The following OGDH variants were observed in gnomAD, a reference collection of about 807,000 sequenced individuals.
OGDH encodes oxoglutarate dehydrogenase.
A neutral mutation model predicts 116.6 loss-of-function variants in OGDH; 38 were observed. The ratio of observed to expected loss-of-function variants is 0.33; its 90% CI spans 0.25 to 0.43. The LOEUF is 0.43. Ranked by LOEUF, OGDH falls within the 20% of genes least tolerant of loss-of-function variation. OGDH has a pLI of 1.00. For synonymous variants in OGDH, 488 were observed against 533.3 expected, an observed-to-expected ratio of 0.92 and a Z score of 1.17; for missense variants, 825 against 1,357.2, an observed-to-expected ratio of 0.61 and a Z score of 6.16.
intron 5 of OGDH, among the ~76,000 whole-genome samples, chr7:44,672,062 C>T (rs1787485154): frequency 6.6e-6 from 1 of 151,926 alleles, no homozygotes; most frequent in South Asian, 2.1e-4. Context: ...GAGCAAGACT[C>T]CATCTCAAAA....
At chr7:44,673,189 G>A (rs1787545622) in intron 5 of OGDH, among the ~76,000 whole-genome samples, 1 of 152,126 alleles carries the variant, frequency 6.6e-6, no homozygotes, top group Admixed American at 6.6e-5. Context: ...AACATAGTGA[G>A]ACCTCATCTC....
intron 18 of OGDH, 64 bp downstream of exon 18, chr7:44,698,327 G>C: frequency 6.6e-7 from 1 of 1,526,666 alleles, no homozygotes; most frequent in Non-Finnish European, 9.1e-7. Flanking sequence ...ACCTGGGGAA[G>C]AGCAATCTAT....
chr7:44,610,792 A>G (rs371531282), intron 1 of OGDH, among the ~76,000 whole-genome samples: 10 of 151,476 alleles, frequency 6.6e-5, no homozygotes, highest in African/African-American at 2.4e-4. Flanking sequence ...TATTTTTAGT[A>G]GAGACGGGCT....
intron 2 of OGDH, among the ~76,000 whole-genome samples, chr7:44,638,614 TA>T (rs1785781585): frequency 6.6e-6 from 1 of 152,144 alleles, no homozygotes; most frequent in Non-Finnish European, 1.5e-5. Flanking sequence ...TAATTAGGAA[TA>T]AATTTGGCTG....
chr7:44,630,484 T>A (rs767115231), intron 2 of OGDH, among the ~76,000 whole-genome samples: 1 of 152,212 alleles, frequency 6.6e-6, no homozygotes, highest in Non-Finnish European at 1.5e-5. Flanking sequence ...GCAATGCCAG[T>A]TGGGTGGTTG....
Position 44,697,797 on chromosome 7 carries a change from C to T in OGDH, c.2358+15C>T, listed in dbSNP as rs751076868. On this transcript the variant is annotated intron_variant, in intron 17 of 22. Coordinates refer to ENST00000222673, the MANE Select transcript of OGDH (RefSeq NM_002541.4). This position sits in a 1 kb window ranked among gnomAD's most constrained non-coding sequence, Gnocchi z 6.0. ...TGGAGGGCATGGTGAGCCTCTGGCC[C>T]TTCCCTGCCAGACCTAGGACTTGGG... is the stretch of plus-strand genomic sequence containing the variant. The T allele has an allele frequency of 1.2e-6, 2 of 1,609,086 alleles. No individual in the cohort carries two copies. Among genetic ancestry groups the T allele is most frequent in the South Asian group, 1.1e-5 (1 of 90,510 alleles).
chr7:44,669,772 ATG>A (rs1202080835), intron 5 of OGDH, among the ~76,000 whole-genome samples: 1 of 149,076 alleles, frequency 6.7e-6, no homozygotes, highest in East Asian at 2.0e-4. Flanking sequence ...CTAAGGCTGT[ATG>A]CGCTCCTGGC....
chr7:44,677,282 A>G (rs933871840), intron 9 of OGDH, among the ~76,000 whole-genome samples: 21 of 152,152 alleles, frequency 1.4e-4, no homozygotes, highest in African/African-American at 5.1e-4. Flanking sequence ...AAAGAAGCAA[A>G]TAGCACATAC....
chr7:44,664,313 A>T (rs547693655), intron 4 of OGDH, among the ~76,000 whole-genome samples: 1 of 152,282 alleles, frequency 6.6e-6, no homozygotes, highest in East Asian at 1.9e-4. Context: ...AGAGAAGGAC[A>T]TTTTGGATTC....
At chr7:44,681,238 G>T (rs187851125) in intron 9 of OGDH, among the ~76,000 whole-genome samples, 1 of 152,222 alleles carries the variant, frequency 6.6e-6, no homozygotes, top group African/African-American at 2.4e-5. Flanking sequence ...AGCCTCCCAG[G>T]TGAGCAGAGT....
intron 20 of OGDH, among the ~76,000 whole-genome samples, chr7:44,702,289 C>T (rs1381390274): frequency 6.6e-6 from 1 of 152,370 alleles, no homozygotes; most frequent in South Asian, 2.1e-4. Flanking sequence ...CAGCTCACCA[C>T]TGGCTCAGAG....
intron 1 of OGDH, among the ~76,000 whole-genome samples, chr7:44,619,785 G>T (rs576458442): frequency 3.2e-4 from 48 of 152,038 alleles, no homozygotes; most frequent in Non-Finnish European, 5.1e-4. Context: ...ATATCTAGGA[G>T]TGTAATTGCT....
Position 44,707,411 on chromosome 7 carries a change from GGGTGTCCCCCC to G in OGDH, c.2796+24_2796+34del. 6.2e-7 allele frequency: 1 copy of G among 1,613,640 alleles called. No homozygotes were observed. The highest frequency in any genetic ancestry group is 8.5e-7 in the Non-Finnish European group (1 of 1,179,708). The stretch of plus-strand genomic sequence containing the variant: ...CAGGTGAGGGCAGGTGGTGCCATCA[GGGTGTCCCCCC>G]AGCGGGGGTCAGGGCTCTGGTGCCT... On this transcript the variant is annotated intron_variant, in intron 21 of 22. Coordinates refer to ENST00000222673, the MANE Select transcript of OGDH (RefSeq NM_002541.4). This position sits in a 1 kb window ranked among gnomAD's most constrained non-coding sequence, Gnocchi z 5.2.
chr7:44,612,285 G>A (rs1784595183), intron 1 of OGDH, among the ~76,000 whole-genome samples: 1 of 152,142 alleles, frequency 6.6e-6, no homozygotes, highest in Non-Finnish European at 1.5e-5. Flanking sequence ...AATACCGAGA[G>A]TTTTTATTAT....
Position 44,700,082 on chromosome 7 carries a change from A to G in OGDH, c.2431-59A>G, listed in dbSNP as rs575183069. On this transcript the variant is annotated intron_variant, in intron 18 of 22. Transcript: ENST00000222673. ...AACTAGATCACCTGAGGGCCCCCAC[A>G]TGCCCCAGAAGACTCAGTGCTGTGT... 2.3e-5 allele frequency: 37 copies of G among 1,584,962 alleles called. No individual in the cohort carries two copies. In the African/African-American group the frequency reaches 3.2e-4, roughly 14 times the overall value.
chr7:44,637,951 G>A (rs999163871), intron 2 of OGDH, among the ~76,000 whole-genome samples: 7 of 152,160 alleles, frequency 4.6e-5, no homozygotes, highest in Non-Finnish European at 5.9e-5. Flanking sequence ...TCAGAAGTTG[G>A]CCTTTTGGGA....
In OGDH at chr7:44,707,725, C is replaced by T. The variant is rs780872421; in HGVS notation, c.2940C>T (p.Ala980=). ...GACTTCGGACCACCATCAGCCGCGCCAAGCCCGTCTGGTAAGGCTTCAGTC... is the reference window on the plus strand; with the variant it reads ...GACTTCGGACCACCATCAGCCGCGCTAAGCCCGTCTGGTAAGGCTTCAGTC... ...KPRLRTTISR[A]KPVWYAGRDP... The change falls in exon 22 of 23, where the codon GCC becomes GCT. Residue 980 remains alanine (A), a synonymous_variant. Transcript: ENST00000222673. The surrounding 1 kb of genome is among the most constrained non-coding windows in gnomAD (Gnocchi z 5.2). The T allele has an allele frequency of 1.9e-6, 3 of 1,614,070 alleles. No homozygotes were observed. The highest frequency in any genetic ancestry group is 2.7e-5 in the African/African-American group (2 of 74,942).
chr7:44,696,523 T>C lies in OGDH; in HGVS notation c.1866T>C (p.Ser622=), dbSNP rs1788588274. The C allele has an allele frequency of 1.9e-6, 3 of 1,614,120 alleles. No homozygotes were observed. The highest frequency in any genetic ancestry group is 2.5e-6 in the Non-Finnish European group (3 of 1,180,048). The change falls in exon 14 of 23, where the codon AGT becomes AGC. Residue 622 remains serine (S), a synonymous_variant. Transcript: ENST00000222673. ...DILTHIGNVA[S]SVPVENFTIH... Reference sequence around the variant, plus strand: ...TGACACACATCGGGAATGTGGCTAGTTCTGTGCCTGTGGAAAACTTTACTA... The same window carrying C: ...TGACACACATCGGGAATGTGGCTAGCTCTGTGCCTGTGGAAAACTTTACTA...
intron 10 of OGDH, among the ~76,000 whole-genome samples, chr7:44,688,368 C>A (rs963639673): frequency 6.6e-6 from 1 of 150,592 alleles, no homozygotes. Flanking sequence ...AAGACTCTGT[C>A]TCAAAAAATA....
Sources: allele counts gnomAD v4.1 joint callset (sites outside exome capture counted in the v4.1 genomes callset), GRCh38; gene constraint gnomAD v4.1.1; non-coding constraint Gnocchi (gnomAD v3.1); transcripts MANE v1.5; gene names NCBI Gene and HGNC (gene_info 2026-07-23, HGNC 2026-07-21).